Variants in KCNN2 observed in about 807,000 individuals in gnomAD.
KCNN2 encodes the protein small conductance calcium-activated potassium channel protein 2.
Under a neutral mutation model 55.5 loss-of-function variants are expected in KCNN2, and 24 were observed. The ratio of observed to expected loss-of-function variants is 0.43; its 90% CI spans 0.31 to 0.61. KCNN2 has a LOEUF of 0.61. KCNN2 is among the 20% of genes least tolerant of loss of function. The pLI, the probability that KCNN2 is intolerant of heterozygous loss-of-function variation, is 0.08. For synonymous variants in KCNN2, 431 were observed against 336.1 expected (o/e 1.28, Z -3.09); for missense variants, 754 against 853.6 (o/e 0.88, Z 1.45).
At chr5:114,331,150 TAAAC>T (rs1177042379) in intron 2 of KCNN2, among the ~76,000 whole-genome samples, 8 of 151,988 alleles carry the variant, frequency 5.3e-5, no homozygotes, top group Non-Finnish European at 1.2e-4. Flanking sequence ...AAGCGGATCA[TAAAC>T]AAGGCAGAAT....
chr5:114,485,594 C>T (rs1381865340), intron 5 of KCNN2, among the ~76,000 whole-genome samples: 2 of 152,146 alleles, frequency 1.3e-5, no homozygotes, highest in African/African-American at 4.8e-5. Flanking sequence ...TTTAACTTCA[C>T]TGTGGATGGT....
intron 2 of KCNN2, among the ~76,000 whole-genome samples, chr5:114,296,951 T>C (rs1186185865): frequency 6.6e-6 from 1 of 152,174 alleles, no homozygotes; most frequent in African/African-American, 2.4e-5. Context: ...GGCAGGTCAT[T>C]TTATTTCAGG....
intron 1 of KCNN2, among the ~76,000 whole-genome samples, chr5:114,144,720 A>G (rs1368091030): frequency 6.6e-6 from 1 of 150,466 alleles, no homozygotes; most frequent in Non-Finnish European, 1.5e-5. Flanking sequence ...AATAACATAT[A>G]TGGTGGTTTA....
At position 114,241,795 on chromosome 5, in the gene KCNN2, T is replaced by C. The variant is rs868572312; in HGVS notation, c.-185+20230T>C. 8.6e-3 allele frequency among the ~76,000 whole-genome samples: 231 copies of C among 26,802 alleles called. 77 individuals carry two copies. The highest frequency in any genetic ancestry group is 0.011 in the Admixed American group (27 of 2,370). The allele number at this position is 26,802 out of a possible 152,430, so 17.6% of individuals were successfully genotyped here. ...ATATACATATATACGTATATATATGTATATATATACGTATATATATATATG... is the reference window on the plus strand; with the variant it reads ...ATATACATATATACGTATATATATGCATATATATACGTATATATATATATG... On this transcript the variant is annotated intron_variant, in intron 2 of 10. Coordinates refer to the KCNN2 transcript ENST00000512097.
chr5:114,460,427 G>C (rs192571842), intron 3 of KCNN2, among the ~76,000 whole-genome samples: 3 of 152,180 alleles, frequency 2.0e-5, no homozygotes, highest in Admixed American at 2.0e-4. Flanking sequence ...ATTTTTAGTA[G>C]AGATGGGGTT....
chr5:114,380,316 G>A (rs915845449), intron 2 of KCNN2, among the ~76,000 whole-genome samples: 1 of 152,146 alleles, frequency 6.6e-6, no homozygotes, highest in African/African-American at 2.4e-5. Flanking sequence ...GCTGTTGCAG[G>A]AATGTCTGCC....
At chr5:114,457,604 T>G (rs1416416347) in intron 3 of KCNN2, among the ~76,000 whole-genome samples, 1 of 152,182 alleles carries the variant, frequency 6.6e-6, no homozygotes, top group Non-Finnish European at 1.5e-5. Flanking sequence ...CAAGCGGTAC[T>G]GTATCACTTC....
intron 2 of KCNN2, among the ~76,000 whole-genome samples, chr5:114,291,179 CT>C (rs1165902602): frequency 6.9e-6 from 1 of 144,568 alleles, no homozygotes; most frequent in Non-Finnish European, 1.5e-5. Flanking sequence ...AATATATGAG[CT>C]TTTTTATTTT....
intron 2 of KCNN2, among the ~76,000 whole-genome samples, chr5:114,248,883 C>T (rs138071431): frequency 7.2e-5 from 11 of 152,180 alleles, no homozygotes; most frequent in African/African-American, 2.2e-4. Context: ...GTGTAGTAAC[C>T]GTTTAATGAA....
intron 3 of KCNN2, among the ~76,000 whole-genome samples, chr5:114,455,622 G>A (rs1760888560): frequency 6.6e-6 from 1 of 152,186 alleles, no homozygotes; most frequent in South Asian, 2.1e-4. Flanking sequence ...TAATGAGGAA[G>A]GCATTTCAAA....
At chr5:114,242,204 C>T (rs1450442680) in intron 2 of KCNN2, among the ~76,000 whole-genome samples, 1 of 152,008 alleles carries the variant, frequency 6.6e-6, no homozygotes, top group African/African-American at 2.4e-5. Flanking sequence ...TCCATGGCTG[C>T]TCTCTATGCA....
intron 1 of KCNN2, among the ~76,000 whole-genome samples, chr5:114,119,600 C>T (rs114132953): frequency 0.01 from 1,553 of 152,262 alleles, 29 homozygotes; most frequent in African/African-American, 0.036. Context: ...CCTGAACATT[C>T]TAATTCCTCC....
chr5:114,224,598 C>G (rs1209783918), intron 2 of KCNN2, among the ~76,000 whole-genome samples: 1 of 152,152 alleles, frequency 6.6e-6, no homozygotes, highest in African/African-American at 2.4e-5. Context: ...AAAACAGAAT[C>G]CCGCTGGAGG....
chr5:114,489,695 T>C (rs1561417179), intron 6 of KCNN2, among the ~76,000 whole-genome samples: 1 of 152,144 alleles, frequency 6.6e-6, no homozygotes, highest in Non-Finnish European at 1.5e-5. Context: ...TCATGCATAC[T>C]TACCTTTCAT....
At chr5:114,399,397 T>C (rs1241790034) in intron 2 of KCNN2, among the ~76,000 whole-genome samples, 1 of 152,178 alleles carries the variant, frequency 6.6e-6, no homozygotes, top group Non-Finnish European at 1.5e-5. Context: ...TGATGAATCA[T>C]GTTTAATGAT....
rs113058035 is a variant in KCNN2, at chr5:114,127,315, G to C, written c.-271+70815G>C. Among the ~76,000 whole-genome samples the C allele has an allele frequency of 1.4e-3, 218 of 152,290 alleles. 1 individual carries two copies. Among genetic ancestry groups the C allele is most frequent in the Middle Eastern group, 0.014 (4 of 294 alleles). ...CTACCCCTGAAACAGACTTCTGCCTGAACATGCAGGCGTTTCCGTACATCC... is the reference window on the plus strand; with the variant it reads ...CTACCCCTGAAACAGACTTCTGCCTCAACATGCAGGCGTTTCCGTACATCC... On this transcript the variant is annotated intron_variant, in intron 1 of 10. Coordinates refer to the KCNN2 transcript ENST00000512097.
chr5:114,256,587 G>A (rs1298549365), intron 2 of KCNN2, among the ~76,000 whole-genome samples: 1 of 151,992 alleles, frequency 6.6e-6, no homozygotes, highest in Non-Finnish European at 1.5e-5. Flanking sequence ...GTACGAGATG[G>A]TATTTCTTGG....
chr5:114,127,584 G>T (rs192317895), intron 1 of KCNN2, among the ~76,000 whole-genome samples: 18 of 152,314 alleles, frequency 1.2e-4, no homozygotes, highest in African/African-American at 4.3e-4. Flanking sequence ...CATGTGATGG[G>T]AGGGGCTGCT....
chr5:114,224,752 G>C (rs1365859536), intron 2 of KCNN2, among the ~76,000 whole-genome samples: 1 of 152,150 alleles, frequency 6.6e-6, no homozygotes, highest in Non-Finnish European at 1.5e-5. Context: ...CTCCGGTTGT[G>C]CTGAGCCATG....
Sources: allele counts gnomAD v4.1 joint callset (sites outside exome capture counted in the v4.1 genomes callset), GRCh38; gene constraint gnomAD v4.1.1; transcripts MANE v1.5; gene names NCBI Gene and HGNC (gene_info 2026-07-23, HGNC 2026-07-21).